Variants in PARD3 observed in about 807,000 individuals in gnomAD.
PARD3 encodes par-3 family cell polarity regulator, also known as partitioning defective 3 homolog.
A neutral mutation model predicts 155.4 loss-of-function variants in PARD3; 75 were observed. The ratio of observed to expected loss-of-function variants is 0.48; its 90% confidence interval spans 0.40 to 0.58. The LOEUF is 0.58. PARD3 is among the 20% of genes least tolerant of loss of function. PARD3 has a pLI of 0.00. For synonymous variants in PARD3, 576 were observed against 610.5 expected, an observed-to-expected ratio of 0.94 and a Z score of 0.83; for missense variants, 1,642 against 1,721.7, an observed-to-expected ratio of 0.95 and a Z score of 0.82.
At chr10:34,651,010 T>TTAAAAAAAAAAAAAAAAAAAA (rs2092994493) in intron 2 of PARD3, among the ~76,000 whole-genome samples, 1 of 31,758 alleles carries the variant, frequency 3.1e-5, no homozygotes, top group South Asian at 1.7e-3. Context: ...AAACTCTGTC[T>TTAAAAAAAAAAAAAAAAAAAA]CAAAAAAAAA....
At chr10:34,778,086 T>C in intron 1 of PARD3, among the ~76,000 whole-genome samples, 1 of 152,204 alleles carries the variant, frequency 6.6e-6, no homozygotes, top group Non-Finnish European at 1.5e-5. Flanking sequence ...AATCCAAGGA[T>C]GCTTAACTCC....
At chr10:34,575,617 C>T (rs773849869) in intron 2 of PARD3, among the ~76,000 whole-genome samples, 13 of 152,206 alleles carry the variant, frequency 8.5e-5, no homozygotes, top group Admixed American at 2.6e-4. Flanking sequence ...GGTATTTGGC[C>T]GGGAGCGGTG....
chr10:34,318,732 A>T (rs1230562298), intron 19 of PARD3, among the ~76,000 whole-genome samples: 2 of 152,032 alleles, frequency 1.3e-5, no homozygotes, highest in Non-Finnish European at 2.9e-5. Context: ...CCAGCTATTT[A>T]TCATAATGCA....
chr10:34,409,265 G>T (rs560708877), intron 5 of PARD3, among the ~76,000 whole-genome samples: 10 of 152,160 alleles, frequency 6.6e-5, no homozygotes, highest in Non-Finnish European at 8.8e-5. Flanking sequence ...CAAAAAGTAT[G>T]TATCTCTGCA....
intron 23 of PARD3, among the ~76,000 whole-genome samples, chr10:34,125,071 C>CTTTTTTTTTTTT (rs71523316): frequency 0.031 from 4,285 of 139,794 alleles, 215 homozygotes; most frequent in African/African-American, 0.093. Flanking sequence ...CTATTTCTTT[C>CTTTTTTTTTTTT]TTTTTTTTTT....
intron 18 of PARD3, among the ~76,000 whole-genome samples, chr10:34,333,313 A>G (rs76807432): frequency 0.027 from 4,109 of 152,246 alleles, 176 homozygotes; most frequent in African/African-American, 0.094. Context: ...AATTTCAGAA[A>G]TGGCATGAGT....
chr10:34,752,762 A>G (rs1836216012), intron 1 of PARD3, among the ~76,000 whole-genome samples: 1 of 152,208 alleles, frequency 6.6e-6, no homozygotes, highest in South Asian at 2.1e-4. Flanking sequence ...CCAGCCACAC[A>G]ACTTAAAGTG....
At chr10:34,157,499 T>C (rs767185223) in intron 22 of PARD3, among the ~76,000 whole-genome samples, 1 of 152,184 alleles carries the variant, frequency 6.6e-6, no homozygotes, top group Non-Finnish European at 1.5e-5. Flanking sequence ...TTTTTCTCCA[T>C]TTTTTCTTCT....
rs145423149 is a variant in PARD3 at position 34,808,227 on chromosome 10, T to C, written c.120+6649A>G. 2.1e-3 allele frequency among the ~76,000 whole-genome samples: 322 copies of C among 152,016 alleles called. 1 individual carries two copies. Among genetic ancestry groups the C allele is most frequent in the African/African-American group, 7.1e-3 (296 of 41,414 alleles). On this transcript the variant is annotated intron_variant, in intron 1 of 24. Transcript: ENST00000374788. ...TACTTGGGGGACTGAGGCAGGAGGATCGCTTGAGCCTGGGAGGTTGAGGCT... is the reference window on the plus strand; with the variant it reads ...TACTTGGGGGACTGAGGCAGGAGGACCGCTTGAGCCTGGGAGGTTGAGGCT...
rs576618823 is a variant in PARD3 at position 34,359,309 on chromosome 10, C to T, written c.1905G>A (p.Arg635=). 1.9e-6 allele frequency: 3 copies of T among 1,613,070 alleles called. No homozygotes were observed. In the South Asian group the frequency reaches 3.3e-5, roughly 18 times the overall value. Residue 635 remains arginine, a synonymous_variant, in exon 14 of 25, where the codon AGG becomes AGA. Transcript: ENST00000374788. Reference sequence around the variant, plus strand: ...CTATCAGTTGATCATTCACCCGAAGCCTTCCATCCTGGGAAGAAAACAGGT... The same window carrying T: ...CTATCAGTTGATCATTCACCCGAAGTCTTCCATCCTGGGAAGAAAACAGGT... ...INGGAASKDG[R]LRVNDQLIAV... is the part of the protein sequence containing the mutation.
intron 2 of PARD3, among the ~76,000 whole-genome samples, chr10:34,648,917 C>T (rs2092925207): frequency 6.6e-6 from 1 of 152,094 alleles, no homozygotes; most frequent in Non-Finnish European, 1.5e-5. Context: ...TCATTATGGT[C>T]ACTTACAAAT....
At chr10:34,200,696 G>A (rs1032029658) in intron 22 of PARD3, among the ~76,000 whole-genome samples, 6 of 152,184 alleles carry the variant, frequency 3.9e-5, no homozygotes, top group Non-Finnish European at 8.8e-5. Flanking sequence ...ACACAGAGTC[G>A]TGACAACAGG....
At chr10:34,679,850 C>T (rs1021361633) in intron 2 of PARD3, among the ~76,000 whole-genome samples, 6 of 152,168 alleles carry the variant, frequency 3.9e-5, no homozygotes, top group South Asian at 4.2e-4. Flanking sequence ...AATCAGACAC[C>T]GCATGTTTCA....
intron 22 of PARD3, among the ~76,000 whole-genome samples, chr10:34,187,408 CAG>C (rs1950535524): frequency 6.6e-6 from 1 of 152,198 alleles, no homozygotes; most frequent in Non-Finnish European, 1.5e-5. Flanking sequence ...ACAACAAAAA[CAG>C]ATGCTTGGAA....
At chr10:34,575,304 A>C (rs2086793339) in intron 2 of PARD3, among the ~76,000 whole-genome samples, 1 of 152,230 alleles carries the variant, frequency 6.6e-6, no homozygotes, top group African/African-American at 2.4e-5. Context: ...AGTGACTATT[A>C]ATTTTTAAGT....
chr10:34,649,615 G>A (rs1225964981), intron 2 of PARD3, among the ~76,000 whole-genome samples: 1 of 152,258 alleles, frequency 6.6e-6, no homozygotes, highest in Middle Eastern at 3.2e-3. Flanking sequence ...GAGTGAGTGA[G>A]TGGTGAGTGA....
At chr10:34,703,291 A>G (rs1367567543) in intron 1 of PARD3, among the ~76,000 whole-genome samples, 1 of 152,056 alleles carries the variant, frequency 6.6e-6, no homozygotes, top group African/African-American at 2.4e-5. Flanking sequence ...CAGGAGGCTG[A>G]GGCAGAAAGA....
chr10:34,284,034 G>T, intron 21 of PARD3, 101 bp downstream of exon 21: 1 of 701,634 alleles, frequency 1.4e-6, no homozygotes, highest in Non-Finnish European at 2.4e-6. Flanking sequence ...AATATGAAGA[G>T]TAATTAAATG....
At chr10:34,391,295 C>G (rs904105600) in intron 7 of PARD3, among the ~76,000 whole-genome samples, 1 of 152,014 alleles carries the variant, frequency 6.6e-6, no homozygotes, top group Non-Finnish European at 1.5e-5. Flanking sequence ...AGTGTACTCT[C>G]TGAGCCCAAT....
Sources: gnomAD v4.1 joint callset for allele counts (sites outside exome capture counted in the v4.1 genomes callset) on GRCh38, gnomAD v4.1.1 for gene constraint, MANE v1.5 for transcripts, NCBI Gene and HGNC (gene_info 2026-07-23, HGNC 2026-07-21) for gene names.